RNF213: variants seen among roughly 807,000 people sequenced by gnomAD.
RNF213 encodes E3 ubiquitin-protein ligase RNF213.
RNF213 carries 341 observed loss-of-function variants against 514.4 expected under a neutral mutation model. The ratio of observed to expected loss-of-function variants is 0.66; its 90% CI spans 0.61 to 0.73. RNF213 has a LOEUF of 0.73. Among genes scored for constraint, RNF213 ranks in the 30% least tolerant of loss-of-function variants. RNF213 has a pLI of 0.00. For synonymous variants in RNF213, 2,655 were observed against 2,658.2 expected (o/e 1.00, Z 0.04); for missense variants, 5,767 against 6,615.6 (o/e 0.87, Z 4.45).
At chr17:80,303,398 G>A (rs2045245745) in intron 11 of RNF213, among the ~76,000 whole-genome samples, 1 of 152,116 alleles carries the variant, frequency 6.6e-6, no homozygotes. Context: ...AAAGCATGAT[G>A]CTCAGAGCCT....
In RNF213 at chr17:80,288,405, C is replaced by T. The variant is rs1201030729; in HGVS notation, c.810+42C>T. 1.9e-6 allele frequency: 3 copies of T among 1,608,098 alleles called. No homozygotes were observed. Among genetic ancestry groups the T allele is most frequent in the South Asian group, 2.2e-5 (2 of 90,974 alleles). On this transcript the variant is annotated intron_variant, in intron 4 of 67. Coordinates refer to ENST00000582970, the MANE Select transcript of RNF213 (RefSeq NM_001256071.3). The surrounding 1 kb of genome is among the most constrained non-coding windows in gnomAD (Gnocchi z 4.9). ...AGATGGCCTGGGAGTGGCACTGAGC[C>T]CTCGGCACCTGGGCTCTGCTGCAAG... is the stretch of plus-strand genomic sequence containing the variant.
At chr17:80,391,226 A>G (rs1266963593) in intron 67 of RNF213, among the ~76,000 whole-genome samples, 2 of 152,122 alleles carry the variant, frequency 1.3e-5, no homozygotes, top group African/African-American at 4.8e-5. Context: ...GAGGCTGAAC[A>G]TGTTTTTTAT....
chr17:80,389,424 C>A (rs1451532396), intron 65 of RNF213, 57 bp downstream of exon 65: 21 of 1,506,848 alleles, frequency 1.4e-5, no homozygotes, highest in Non-Finnish European at 1.7e-5. Flanking sequence ...TCTCCTGCTT[C>A]CCGCGAGGGA....
intron 36 of RNF213, among the ~76,000 whole-genome samples, chr17:80,357,983 C>T (rs1440383785): frequency 6.6e-6 from 1 of 152,178 alleles, no homozygotes; most frequent in African/African-American, 2.4e-5. Context: ...GTGAGACCCT[C>T]ACATACATGT....
At chr17:80,385,016 C>T (rs768076521) in intron 59 of RNF213, 23 bp from the exon 60 acceptor site, 1 of 1,605,768 alleles carries the variant, frequency 6.2e-7, no homozygotes, top group East Asian at 2.2e-5. Context: ...AAAATTGTTA[C>T]TGGGTGGTCT....
chr17:80,366,028 A>C (rs931632678), intron 42 of RNF213, among the ~76,000 whole-genome samples: 4 of 152,194 alleles, frequency 2.6e-5, no homozygotes, highest in African/African-American at 9.6e-5. Context: ...ACCACAGCCA[A>C]AGACCTTACC....
chr17:80,383,538 G>A, intron 58 of RNF213, 139 bp from the exon 59 acceptor site: 2 of 833,764 alleles, frequency 2.4e-6, no homozygotes, highest in Non-Finnish European at 4.0e-6. Flanking sequence ...AAGATCAAAG[G>A]GAATACCTGA....
At position 80,347,921 on chromosome 17, in the gene RNF213, GAGA is replaced by G; in HGVS notation, c.9589_9591del (p.Lys3197del). The G allele has an allele frequency of 1.2e-6, 2 of 1,614,128 alleles. No individual in the cohort carries two copies. Among genetic ancestry groups the G allele is most frequent in the Non-Finnish European group, 1.7e-6 (2 of 1,179,984 alleles). On this transcript the variant is annotated inframe_deletion, in exon 29 of 68. Coordinates refer to ENST00000582970, the MANE Select transcript of RNF213 (RefSeq NM_001256071.3). The surrounding 1 kb of genome is among the most constrained non-coding windows in gnomAD (Gnocchi z 7.2). Reference sequence around the variant, plus strand: ...CGTGGAGGAGCTCTGTGCGTGGGTGGAGAAGTTCATCAATGTCAAAGCACATCA... The same window carrying G: ...CGTGGAGGAGCTCTGTGCGTGGGTGGAGTTCATCAATGTCAAAGCACATCA...
chr17:80,278,187 C>G (rs2044137646), intron 3 of RNF213, among the ~76,000 whole-genome samples: 1 of 152,234 alleles, frequency 6.6e-6, no homozygotes, highest in Admixed American at 6.5e-5. Flanking sequence ...GCTGGTGGAG[C>G]TTCCTTTCCT....
chr17:80,298,599 C>G (rs558520473), intron 11 of RNF213, 81 bp downstream of exon 11: 3 of 1,413,848 alleles, frequency 2.1e-6, no homozygotes, highest in Middle Eastern at 1.8e-4. Context: ...CCGGTGGGCT[C>G]TGCAGTGACT....
In RNF213 at chr17:80,354,691, C is replaced by T. The variant is rs2078665068; in HGVS notation, c.10862+115C>T. ...GGGGACTGAGCTGTTTCTTTCCAAA[C>T]CTCTCAGCCATTCAAAGCTGTAAAG... is the stretch of plus-strand genomic sequence containing the variant. On this transcript the variant is annotated intron_variant, in intron 36 of 67. Coordinates refer to ENST00000582970, the MANE Select transcript of RNF213 (RefSeq NM_001256071.3). 3 of 1,327,902 alleles carry T rather than the reference C, an allele frequency of 2.3e-6. No homozygotes were observed. The South Asian group carries it at 3.7e-5, about 16-fold the overall frequency. 82.3% of individuals were successfully genotyped at this position (1,327,902 alleles called of 1,614,324 possible). A position where few individuals can be genotyped will look rare whatever the true frequency, so the allele number is the denominator to read the frequency against.
intron 63 of RNF213, among the ~76,000 whole-genome samples, chr17:80,388,287 T>C (rs1430534353): frequency 2.0e-5 from 3 of 152,232 alleles, no homozygotes; most frequent in Admixed American, 2.0e-4. Flanking sequence ...CTGTGCATGG[T>C]CTGTGCCTTT....
intron 3 of RNF213, among the ~76,000 whole-genome samples, chr17:80,284,594 G>A (rs2143148781): frequency 6.6e-6 from 1 of 151,994 alleles, no homozygotes; most frequent in Non-Finnish European, 1.5e-5. Context: ...GGAAAGCCCA[G>A]CTCCACCTTT....
chr17:80,286,243 AGCCAAG>A (rs1220142973), intron 3 of RNF213, among the ~76,000 whole-genome samples: 2 of 143,348 alleles, frequency 1.4e-5, no homozygotes, highest in Non-Finnish European at 3.0e-5. Context: ...GGGAGGCTGG[AGCCAAG>A]CTGTGGCCTG....
chr17:80,295,837 GT>G (rs757859532), intron 10 of RNF213, 24 bp downstream of exon 10: 1 of 1,612,952 alleles, frequency 6.2e-7, no homozygotes, highest in African/African-American at 1.3e-5. Flanking sequence ...TTGTCAAAAT[GT>G]TTTTTATAGC....
chr17:80,262,493 T>C (rs2043459464), intron 1 of RNF213, among the ~76,000 whole-genome samples: 1 of 152,100 alleles, frequency 6.6e-6, no homozygotes, highest in African/African-American at 2.4e-5. Context: ...TCAGAGGAAC[T>C]GGCGAGGCCG....
intron 54 of RNF213, among the ~76,000 whole-genome samples, chr17:80,379,028 C>T (rs1365497415): frequency 5.9e-5 from 9 of 151,918 alleles, no homozygotes; most frequent in African/African-American, 2.2e-4. Context: ...CACAAAGCAT[C>T]AGCAGGGCAT....
chr17:80,327,875 G>A lies in RNF213; in HGVS notation c.3253G>A (p.Ala1085Thr), dbSNP rs1301649570. The A allele has an allele frequency of 6.5e-7, 1 of 1,537,170 alleles. No homozygotes were observed. Among genetic ancestry groups the A allele is most frequent in the East Asian group, 2.4e-5 (1 of 40,936 alleles). ...GGATGCCAAGAGGCTGATAGCTGTT[G>A]CCGACTCTGTGTTGACGAAAGTTGT... is the stretch of plus-strand genomic sequence containing the variant. ...TEDAKRLIAV[A>T]DSVLTKVVGD... is the part of the protein sequence containing the mutation. Residue 1085 changes from alanine to threonine, a missense_variant, in exon 19 of 68, where the codon GCC (alanine) becomes ACC (threonine). Ala to Thr is a moderately conservative substitution (Grantham distance 58). Transcript: ENST00000582970.
chr17:80,322,338 A>AAT (rs2046167869), intron 17 of RNF213, among the ~76,000 whole-genome samples: 1 of 151,736 alleles, frequency 6.6e-6, no homozygotes, highest in African/African-American at 2.4e-5. Flanking sequence ...TTAAAAAAAA[A>AAT]ATTTCTGTGG....
Sources: gnomAD v4.1 joint callset for allele counts (sites outside exome capture counted in the v4.1 genomes callset) on GRCh38, gnomAD v4.1.1 for gene constraint, Gnocchi (gnomAD v3.1) non-coding constraint, MANE v1.5 for transcripts, NCBI Gene and HGNC (gene_info 2026-07-23, HGNC 2026-07-21) for gene names.